MYO18B: variants seen among roughly 807,000 people sequenced by gnomAD.
The protein encoded by MYO18B is unconventional myosin-XVIIIb.
MYO18B carries 204 observed loss-of-function variants against 273.0 expected under a neutral mutation model. The ratio of observed to expected loss-of-function variants is 0.75; its 90% CI spans 0.67 to 0.84. MYO18B has a LOEUF of 0.84. MYO18B is among the 40% of genes least tolerant of loss of function. The pLI, the probability that MYO18B is intolerant of heterozygous loss-of-function variation, is 0.00. For missense variants in MYO18B, 3,212 were observed against 3,287.6 expected, an observed-to-expected ratio of 0.98 and a Z score of 0.56; for synonymous variants, 1,330 against 1,305.7, an observed-to-expected ratio of 1.02 and a Z score of -0.40.
intron 42 of MYO18B, among the ~76,000 whole-genome samples, chr22:26,010,317 G>C (rs1005585836): frequency 1.3e-5 from 2 of 152,156 alleles, no homozygotes; most frequent in Non-Finnish European, 2.9e-5. Flanking sequence ...GGAAAATCTG[G>C]TTTCAGTGGC....
At chr22:26,057,890 G>A in the MYO18B span, among the ~76,000 whole-genome samples, 1 of 152,120 alleles carries the variant, frequency 6.6e-6, no homozygotes, top group Non-Finnish European at 1.5e-5. Flanking sequence ...CCTATCAGAG[G>A]GAGGGCAGAT....
chr22:25,966,023 A>G (rs1267338853), intron 39 of MYO18B, among the ~76,000 whole-genome samples: 1 of 152,216 alleles, frequency 6.6e-6, no homozygotes, highest in African/African-American at 2.4e-5. Flanking sequence ...CCTTCTGAGC[A>G]TGCTCTTTTA....
chr22:25,890,097 C>T (rs1184129159), intron 25 of MYO18B, among the ~76,000 whole-genome samples: 2 of 152,234 alleles, frequency 1.3e-5, no homozygotes, highest in African/African-American at 4.8e-5. Flanking sequence ...GGCATTCAAC[C>T]TAGTTTTCAT....
At position 25,777,619 on chromosome 22, in the gene MYO18B, A is replaced by T; in HGVS notation, c.1906A>T (p.Ile636Phe). 1 of 1,606,698 alleles carries T rather than the reference A, an allele frequency of 6.2e-7. No individual in the cohort carries two copies. The highest frequency in any genetic ancestry group is 1.7e-5 in the Admixed American group (1 of 58,842). The change falls in exon 8 of 44, where the codon ATT becomes TTT. Residue 636 changes from isoleucine to phenylalanine, a missense_variant. By Grantham distance (21) the Ile-to-Phe change is conservative. Coordinates refer to ENST00000335473, the MANE Select transcript of MYO18B (RefSeq NM_032608.7). ...CCGCCGGGATGGCCTGCCTGCCCAC[A>T]TTGGCTCCATGGCACAGCGGGCATA... Reference protein sequence around the residue: ...KGRRDGLPAHIGSMAQRAYWA... With the variant: ...KGRRDGLPAHFGSMAQRAYWA...
chr22:25,950,518 A>ATTGTGTGTGTG (rs2092779104), intron 37 of MYO18B, 68 bp downstream of exon 37: 2 of 563,482 alleles, frequency 3.5e-6, no homozygotes, highest in Non-Finnish European at 6.0e-6. Context: ...AACTAATAGG[A>ATTGTGTGTGTG]TGTGTGTGTG....
Position 25,761,032 on chromosome 22 carries a change from T to C in MYO18B, c.-61T>C. On this transcript the variant is annotated 5_prime_UTR_variant, in exon 2 of 44. Coordinates refer to ENST00000335473, the MANE Select transcript of MYO18B (RefSeq NM_032608.7). Reference sequence around the variant, plus strand: ...CGTGTGTCTGTAAAGCCTCATTCCGTGCTGTCTGGCAGGAAGCTCCATCTC... The same window carrying C: ...CGTGTGTCTGTAAAGCCTCATTCCGCGCTGTCTGGCAGGAAGCTCCATCTC... 1 of 1,583,148 alleles carries C rather than the reference T, an allele frequency of 6.3e-7. No individual in the cohort carries two copies. The highest frequency in any genetic ancestry group is 8.7e-7 in the Non-Finnish European group (1 of 1,153,612).
At chr22:25,956,361 A>G (rs2092851989) in intron 39 of MYO18B, among the ~76,000 whole-genome samples, 1 of 151,948 alleles carries the variant, frequency 6.6e-6, no homozygotes, top group Non-Finnish European at 1.5e-5. Context: ...GACTACGGGC[A>G]TGAGCCACCA....
chr22:25,988,369 G>A (rs532780334), intron 39 of MYO18B, among the ~76,000 whole-genome samples: 55 of 152,136 alleles, frequency 3.6e-4, no homozygotes, highest in African/African-American at 1.2e-3. Context: ...CTCAGGGTGC[G>A]CCCACTGAGT....
chr22:25,792,492 CTTTTCTTTTTTTTTT>C (rs1459880394), intron 11 of MYO18B, among the ~76,000 whole-genome samples: 6 of 32,404 alleles, frequency 1.9e-4, no homozygotes, highest in Non-Finnish European at 3.5e-4. Context: ...TTTTTTTTTT[CTTTTCTTTTTTTTTT>C]TTTTTTGAGA....
intron 36 of MYO18B, among the ~76,000 whole-genome samples, chr22:25,948,817 C>T (rs1601659548): frequency 6.6e-6 from 1 of 151,992 alleles, no homozygotes; most frequent in African/African-American, 2.4e-5. Flanking sequence ...GAAGTGTACA[C>T]AATTCTGCAA....
At chr22:25,989,017 C>T (rs964565558) in intron 39 of MYO18B, among the ~76,000 whole-genome samples, 2 of 152,162 alleles carry the variant, frequency 1.3e-5, no homozygotes, top group Non-Finnish European at 2.9e-5. Context: ...CCAGCCGAGG[C>T]CCACCCATCC....
chr22:25,775,747 GT>G (rs2086890421), intron 7 of MYO18B, among the ~76,000 whole-genome samples: 1 of 151,966 alleles, frequency 6.6e-6, no homozygotes, highest in African/African-American at 2.4e-5. Flanking sequence ...AGGATGCTCT[GT>G]TCTCACACTC....
intron 40 of MYO18B, among the ~76,000 whole-genome samples, chr22:25,994,289 A>G (rs1195904117): frequency 6.6e-6 from 1 of 152,138 alleles, no homozygotes; most frequent in Non-Finnish European, 1.5e-5. Context: ...AAACATAAGG[A>G]GTCTCCATCT....
At chr22:25,938,712 C>A (rs992721544) in intron 34 of MYO18B, among the ~76,000 whole-genome samples, 5 of 152,228 alleles carry the variant, frequency 3.3e-5, no homozygotes, top group Non-Finnish European at 7.3e-5. Flanking sequence ...GGGTAAGGAT[C>A]CATACACAGA....
At position 25,768,931 on chromosome 22, in the gene MYO18B, G is replaced by A. The variant is rs750085593; in HGVS notation, c.1015G>A (p.Gly339Arg). The A allele has an allele frequency of 6.2e-7, 1 of 1,612,404 alleles. No homozygotes were observed. The highest frequency in any genetic ancestry group is 1.3e-5 in the African/African-American group (1 of 74,916). Residue 339 changes from glycine (G) to arginine (R), a missense_variant, in exon 4 of 44, where the codon GGG becomes AGG. Coordinates refer to ENST00000335473, the MANE Select transcript of MYO18B (RefSeq NM_032608.7). ...TCCCCAGAATAAGAAGGACAAAGAA[G>A]GGGTGCTCTTAAGTAAGGCAGAGAA... ...DGPQNKKDKE[G>R]VLLSKAEKTG... is the part of the protein sequence containing the mutation.
At chr22:25,859,845 A>G (rs1601381344) in intron 21 of MYO18B, among the ~76,000 whole-genome samples, 1 of 152,090 alleles carries the variant, frequency 6.6e-6, no homozygotes, top group Admixed American at 6.6e-5. Context: ...AGAGATTTTT[A>G]TGAAGTTCAG....
intron 33 of MYO18B, among the ~76,000 whole-genome samples, chr22:25,915,047 A>T (rs35767544): frequency 0.051 from 7,610 of 148,832 alleles, 432 homozygotes; most frequent in African/African-American, 0.13. Flanking sequence ...CAACAAATTT[A>T]AAAAAAAAAA....
rs373964326 is a variant in MYO18B, at chr22:25,784,917, G to A, written c.2313-511G>A. On this transcript the variant is annotated intron_variant, in intron 10 of 43. Coordinates refer to ENST00000335473, the MANE Select transcript of MYO18B (RefSeq NM_032608.7). Reference sequence around the variant, plus strand: ...GCAGGATAGCGCGGAGTCTGGGCTCGAGGGGCCAACAGACCTCAGCTCAGC... The same window carrying A: ...GCAGGATAGCGCGGAGTCTGGGCTCAAGGGGCCAACAGACCTCAGCTCAGC... 1.5e-3 allele frequency among the ~76,000 whole-genome samples: 230 copies of A among 152,330 alleles called. 10 individuals carry two copies. The South Asian group carries it at 0.046, about 31-fold the overall frequency.
chr22:25,864,155 C>CAG (rs201388124), intron 21 of MYO18B, among the ~76,000 whole-genome samples: 8 of 151,968 alleles, frequency 5.3e-5, no homozygotes, highest in African/African-American at 1.9e-4. Context: ...AGAACTACTG[C>CAG]AGAGAGAGAG....
Sources: gnomAD v4.1 joint callset for allele counts (sites outside exome capture counted in the v4.1 genomes callset) on GRCh38, gnomAD v4.1.1 for gene constraint, MANE v1.5 for transcripts, NCBI Gene and HGNC (gene_info 2026-07-23, HGNC 2026-07-21) for gene names.